The following CCDC196 variants were observed in gnomAD, a reference collection of about 807,000 sequenced individuals.
CCDC196 encodes the protein coiled-coil domain-containing protein 196.
chr14:66,498,209 G>T (rs1594751205), intron 9 of CCDC196, 42 bp downstream of exon 9: 1 of 412,816 alleles, frequency 2.4e-6, no homozygotes, highest in South Asian at 1.3e-4. Context: ...ATCGTTTTAA[G>T]GGCTTGAATA....
In CCDC196 at chr14:66,496,996, C is replaced by T. The variant is rs114316014; in HGVS notation, c.716-1113C>T. 1.7e-3 allele frequency: 262 copies of T among 152,298 alleles called. 1 individual carries two copies. Among genetic ancestry groups the T allele is most frequent in the African/African-American group, 6.0e-3 (250 of 41,558 alleles). 9.4% of individuals were successfully genotyped at this position (152,298 alleles called of 1,614,324 possible). ...AGCAAGTCATTCTTCCTGGCTTTAA[C>T]CTTTACTTCACTTTAGTATTATTCT... On this transcript the variant is annotated intron_variant, in intron 8 of 9. Transcript: ENST00000636229.
chr14:66,490,561 C>G (rs1376366932), intron 4 of CCDC196, among the ~76,000 whole-genome samples, 181 bp from the exon 5 acceptor site: 2 of 152,144 alleles, frequency 1.3e-5, no homozygotes, highest in Non-Finnish European at 2.9e-5. Context: ...AAGGTACACT[C>G]AAGGGACTGA....
chr14:66,493,640 T>C (rs1055110320), intron 8 of CCDC196: 4 of 152,228 alleles, frequency 2.6e-5, no homozygotes, highest in African/African-American at 9.6e-5. Context: ...TCAAGATGAT[T>C]TGATTCAGGT....
Position 66,492,210 on chromosome 14 carries a change from CAGG to C in CCDC196, c.715+17_715+19del. On this transcript the variant is annotated intron_variant, in intron 8 of 9. Transcript: ENST00000636229. The stretch of plus-strand genomic sequence containing the variant: ...GGGTCCCAAGGTAGGTAGAATATCC[CAGG>C]TACACAGTTTGAGGTTTTGTTTTGT... 1 of 413,722 alleles carries C rather than the reference CAGG, an allele frequency of 2.4e-6. No homozygotes were observed. Among genetic ancestry groups the C allele is most frequent in the Admixed American group, 4.4e-5 (1 of 22,740 alleles). 25.6% of individuals were successfully genotyped at this position (413,722 alleles called of 1,614,324 possible). A position where few individuals can be genotyped will look rare whatever the true frequency, so the allele number is the denominator to read the frequency against.
intron 2 of CCDC196, 114 bp from the exon 3 acceptor site, chr14:66,488,046 G>A: frequency 2.5e-6 from 1 of 401,330 alleles, no homozygotes; most frequent in Non-Finnish European, 4.5e-6. Context: ...CATAACTCCT[G>A]ATATTTCAGT....
At chr14:66,487,317 T>A (rs2057428612) in intron 2 of CCDC196, among the ~76,000 whole-genome samples, 1 of 152,128 alleles carries the variant, frequency 6.6e-6, no homozygotes, top group African/African-American at 2.4e-5. Flanking sequence ...TCCTTTCTAG[T>A]CTCAGAACCT....
At position 66,497,410 on chromosome 14, in the gene CCDC196, C is replaced by T. The variant is rs556150285; in HGVS notation, c.716-699C>T. ...GACAACAGATTCCATAATTTGTGGG[C>T]ATCACACACTCAGGAGTGCAGCAGT... On this transcript the variant is annotated intron_variant, in intron 8 of 9. Coordinates refer to ENST00000636229, the MANE Select transcript of CCDC196 (RefSeq NM_001351576.1). Among the ~76,000 whole-genome samples, 17 of 152,142 alleles carry T rather than the reference C, an allele frequency of 1.1e-4. No homozygotes were observed. The South Asian group carries it at 3.5e-3, about 32-fold the overall frequency.
chr14:66,487,292 C>T (rs557253095), intron 2 of CCDC196, among the ~76,000 whole-genome samples: 2 of 152,236 alleles, frequency 1.3e-5, no homozygotes, highest in Admixed American at 6.5e-5. Flanking sequence ...GTACTTGGGA[C>T]CCACAAACTC....
chr14:66,494,227 A>G (rs1366226101), intron 8 of CCDC196, among the ~76,000 whole-genome samples: 2 of 152,228 alleles, frequency 1.3e-5, no homozygotes, highest in Non-Finnish European at 2.9e-5. Context: ...GCATTCATTT[A>G]GCACTAATTA....
At chr14:66,496,030 G>C (rs1008879947) in intron 8 of CCDC196, among the ~76,000 whole-genome samples, 1 of 152,126 alleles carries the variant, frequency 6.6e-6, no homozygotes, top group African/African-American at 2.4e-5. Flanking sequence ...GGCGATTGGG[G>C]CACTAAAAGA....
At chr14:66,494,485 A>T (rs1334777780) in intron 8 of CCDC196, among the ~76,000 whole-genome samples, 1 of 152,016 alleles carries the variant, frequency 6.6e-6, no homozygotes, top group African/African-American at 2.4e-5. Context: ...GTATTTTCCA[A>T]CTTTGTGTAT....
In CCDC196 at chr14:66,486,665, A is replaced by C; in HGVS notation, c.59A>C (p.Lys20Thr). The part of the protein sequence containing the change: ...SYLPSEIRSS[K>T]IDDNYLKELN... ...TGTGCCTCTTCCCACAGAAGTTCTA[A>C]AATAGATGACAACTACTTGAAGGAA... is the stretch of plus-strand genomic sequence containing the variant. The change falls in exon 2 of 10, where the codon AAA (lysine) becomes ACA (threonine). Residue 20 changes from lysine to threonine, a missense_variant. Coordinates refer to ENST00000636229, the MANE Select transcript of CCDC196 (RefSeq NM_001351576.1). The C allele has an allele frequency of 4.8e-6, 2 of 413,534 alleles. No homozygotes were observed. Among genetic ancestry groups the C allele is most frequent in the Non-Finnish European group, 8.8e-6 (2 of 226,122 alleles). The allele number at this position is 413,534 out of a possible 1,614,324, so 25.6% of individuals were successfully genotyped here. A position where few individuals can be genotyped will look rare whatever the true frequency, so the allele number is the denominator to read the frequency against.
At chr14:66,497,415 C>A (rs1332833796) in intron 8 of CCDC196, among the ~76,000 whole-genome samples, 1 of 152,094 alleles carries the variant, frequency 6.6e-6, no homozygotes, top group East Asian at 1.9e-4. Context: ...GTGGGCATCA[C>A]ACACTCAGGA....
chr14:66,493,143 T>C (rs2057581677), intron 8 of CCDC196, among the ~76,000 whole-genome samples: 1 of 152,228 alleles, frequency 6.6e-6, no homozygotes, highest in Non-Finnish European at 1.5e-5. Flanking sequence ...AGTATCAGTA[T>C]GTATGTTTCT....
chr14:66,493,764 T>C (rs1485187438), intron 8 of CCDC196: 1 of 152,142 alleles, frequency 6.6e-6, no homozygotes, highest in Admixed American at 6.5e-5. Flanking sequence ...CAATTTATGT[T>C]CTAATAAGAA....
At chr14:66,496,522 G>A (rs550624918) in intron 8 of CCDC196, among the ~76,000 whole-genome samples, 13 of 152,230 alleles carry the variant, frequency 8.5e-5, no homozygotes, top group South Asian at 6.2e-4. Context: ...TGATCTTTCC[G>A]GAGACAGGTG....
intron 8 of CCDC196, among the ~76,000 whole-genome samples, chr14:66,497,050 G>A (rs2057683685): frequency 6.6e-6 from 1 of 152,214 alleles, no homozygotes; most frequent in East Asian, 1.9e-4. Flanking sequence ...ACTTCAGCAG[G>A]TGCTGCTGAA....
intron 4 of CCDC196, among the ~76,000 whole-genome samples, chr14:66,490,210 C>T (rs961228893): frequency 1.5e-5 from 2 of 132,864 alleles, no homozygotes; most frequent in Non-Finnish European, 3.0e-5. Flanking sequence ...ACAGAGCTCT[C>T]AAAAGGGACA....
intron 8 of CCDC196, among the ~76,000 whole-genome samples, chr14:66,497,565 G>A (rs2057694969): frequency 6.6e-6 from 1 of 152,080 alleles, no homozygotes; most frequent in Non-Finnish European, 1.5e-5. Flanking sequence ...ATTATTTGGT[G>A]TTTATATTAA....
Sources: gnomAD v4.1 joint callset for allele counts (sites outside exome capture counted in the v4.1 genomes callset) on GRCh38, gnomAD v4.1.1 for gene constraint, MANE v1.5 for transcripts, NCBI Gene and HGNC (gene_info 2026-07-23, HGNC 2026-07-21) for gene names.